WHRN: variants seen among roughly 807,000 people sequenced by gnomAD.
WHRN encodes whirlin, also known as CASK-interacting protein CIP98.
In WHRN, 41 loss-of-function variants were observed where a neutral mutation model predicts 68.3. The ratio of observed to expected loss-of-function variants is 0.60; its 90% CI spans 0.47 to 0.78. WHRN has a LOEUF of 0.78. Among genes scored for constraint, WHRN ranks in the 30% least tolerant of loss-of-function variants. The pLI is 0.00. For synonymous variants in WHRN, 560 were observed against 561.3 expected (o/e 1.00, Z 0.03); for missense variants, 1,243 against 1,244.7 (o/e 1.00, Z 0.02).
chr9:114,403,842 T>C, intron 10 of WHRN, 54 bp downstream of exon 10: 1 of 1,601,906 alleles, frequency 6.2e-7, no homozygotes, highest in South Asian at 1.1e-5. Flanking sequence ...TCCCATTCTG[T>C]GCCTGGGGCC....
At chr9:114,480,384 G>A (rs1354447829) in intron 1 of WHRN, among the ~76,000 whole-genome samples, 4 of 152,198 alleles carry the variant, frequency 2.6e-5, no homozygotes, top group African/African-American at 9.7e-5. Context: ...TATCCTCAAT[G>A]TGATGGTACT....
chr9:114,428,155 C>G (rs1837053273), intron 3 of WHRN, among the ~76,000 whole-genome samples: 1 of 152,164 alleles, frequency 6.6e-6, no homozygotes, highest in Non-Finnish European at 1.5e-5. Context: ...TGGCAAAATG[C>G]TGTCTCTACT....
chr9:114,416,942 A>G (rs10817607), intron 7 of WHRN, among the ~76,000 whole-genome samples: 33,809 of 152,238 alleles, frequency 0.22, 4,088 homozygotes, highest in East Asian at 0.36. Context: ...AGCAGAACCC[A>G]GCTGGTAGGA....
chr9:114,472,824 T>A (rs1841350332), intron 2 of WHRN, among the ~76,000 whole-genome samples: 1 of 152,264 alleles, frequency 6.6e-6, no homozygotes, highest in African/African-American at 2.4e-5. Flanking sequence ...CACTGTGCTC[T>A]GTGCTTATAA....
At chr9:114,466,680 C>A (rs1840728186) in intron 2 of WHRN, among the ~76,000 whole-genome samples, 1 of 152,124 alleles carries the variant, frequency 6.6e-6, no homozygotes, top group South Asian at 2.1e-4. Flanking sequence ...CCCCTCAGGG[C>A]CAACACCCGG....
intron 9 of WHRN, 108 bp downstream of exon 9, chr9:114,406,247 C>T: frequency 2.0e-6 from 3 of 1,496,128 alleles, no homozygotes; most frequent in Middle Eastern, 2.0e-4. Context: ...TGGCCCTGAG[C>T]CCCCTCAACA....
intron 1 of WHRN, among the ~76,000 whole-genome samples, chr9:114,480,341 T>C (rs910178378): frequency 2.0e-5 from 3 of 152,162 alleles, no homozygotes; most frequent in African/African-American, 7.2e-5. Flanking sequence ...AGGGACTGAA[T>C]GTATTTCCCT....
chr9:114,432,008 T>C (rs1023461190), intron 3 of WHRN, among the ~76,000 whole-genome samples: 2 of 152,174 alleles, frequency 1.3e-5, no homozygotes, highest in African/African-American at 4.8e-5. Context: ...ATTGCTCAGC[T>C]TGCTTGCAGG....
Position 114,407,900 on chromosome 9 carries a change from T to A in WHRN, c.1698+47A>T, listed in dbSNP as rs375329022. On this transcript the variant is annotated intron_variant, in intron 8 of 11. Coordinates refer to ENST00000362057, the MANE Select transcript of WHRN (RefSeq NM_015404.4). ...TGGAGAGGAGAGAGCCACCAGGACC[T>A]GAGCACACCAGGGAGAGCAGAACCA... is the stretch of plus-strand genomic sequence containing the variant. 1.9e-5 allele frequency: 29 copies of A among 1,520,056 alleles called. No individual in the cohort carries two copies. The African/African-American group carries it at 3.3e-4, about 17-fold the overall frequency. The allele number at this position is 1,520,056 out of a possible 1,614,324, so 94.2% of individuals were successfully genotyped here.
intron 7 of WHRN, among the ~76,000 whole-genome samples, chr9:114,417,634 T>C (rs1216578112): frequency 6.6e-6 from 1 of 152,028 alleles, no homozygotes; most frequent in African/African-American, 2.4e-5. Context: ...ATTTTGGCCA[T>C]GTTATGTTTT....
intron 1 of WHRN, among the ~76,000 whole-genome samples, chr9:114,494,500 G>A (rs925846402): frequency 1.3e-5 from 2 of 152,228 alleles, no homozygotes; most frequent in South Asian, 4.1e-4. Flanking sequence ...AGAGACGTTA[G>A]GAAGCTGGTT....
intron 7 of WHRN, among the ~76,000 whole-genome samples, chr9:114,411,097 G>A (rs993108071): frequency 6.6e-6 from 1 of 152,220 alleles, no homozygotes; most frequent in African/African-American, 2.4e-5. Flanking sequence ...TACGTGCATT[G>A]GGAGACTGGG....
chr9:114,410,026 C>T (rs914924794), intron 7 of WHRN, among the ~76,000 whole-genome samples: 4 of 152,092 alleles, frequency 2.6e-5, no homozygotes, highest in South Asian at 2.1e-4. Flanking sequence ...TCCAACATCA[C>T]GAGCTCATTA....
chr9:114,407,473 G>A (rs373026871), intron 8 of WHRN, among the ~76,000 whole-genome samples: 87 of 152,280 alleles, frequency 5.7e-4, no homozygotes, highest in African/African-American at 1.9e-3. Context: ...GCCACAGCAG[G>A]TGCACAGTGA....
At chr9:114,481,227 C>T (rs944408265) in intron 1 of WHRN, among the ~76,000 whole-genome samples, 1 of 152,204 alleles carries the variant, frequency 6.6e-6, no homozygotes, top group African/African-American at 2.4e-5. Flanking sequence ...TTGAGCCTCT[C>T]TCAGCAGAGG....
intron 2 of WHRN, among the ~76,000 whole-genome samples, chr9:114,470,795 G>A (rs906053227): frequency 2.0e-5 from 3 of 152,068 alleles, no homozygotes; most frequent in Non-Finnish European, 4.4e-5. Flanking sequence ...CAGCTCCTTG[G>A]GTGACCTGCA....
chr9:114,448,229 G>C (rs994775020), intron 3 of WHRN, among the ~76,000 whole-genome samples: 1 of 152,136 alleles, frequency 6.6e-6, no homozygotes, highest in Non-Finnish European at 1.5e-5. Flanking sequence ...AACGGACAGG[G>C]AGATTTGAGC....
At chr9:114,417,453 G>T (rs1835897753) in intron 7 of WHRN, among the ~76,000 whole-genome samples, 1 of 152,254 alleles carries the variant, frequency 6.6e-6, no homozygotes, top group Non-Finnish European at 1.5e-5. Flanking sequence ...TCCTGCAAGT[G>T]GCCGGGGAGT....
chr9:114,482,468 C>T (rs1034478705), intron 1 of WHRN, among the ~76,000 whole-genome samples: 1 of 152,162 alleles, frequency 6.6e-6, no homozygotes, highest in Non-Finnish European at 1.5e-5. Context: ...GGGCCGGTTG[C>T]TTCCCCTTGC....
Sources: allele counts gnomAD v4.1 joint callset (sites outside exome capture counted in the v4.1 genomes callset), GRCh38; gene constraint gnomAD v4.1.1; transcripts MANE v1.5; gene names NCBI Gene and HGNC (gene_info 2026-07-23, HGNC 2026-07-21).